NELL1: variants seen among roughly 807,000 people sequenced by gnomAD.
The protein encoded by NELL1 is protein kinase C-binding protein NELL1.
A neutral mutation model predicts 107.4 loss-of-function variants in NELL1; 76 were observed. That is an observed-to-expected ratio of 0.71 (90% CI 0.59 to 0.86). The LOEUF (loss-of-function observed/expected upper bound fraction) is 0.86, where lower values mean the gene tolerates loss of function less well. Among genes scored for constraint, NELL1 ranks in the 40% least tolerant of loss-of-function variants. NELL1 has a pLI of 0.00. For synonymous variants in NELL1, 353 were observed against 341.2 expected (o/e 1.03, Z -0.38); for missense variants, 1,024 against 1,005.5 (o/e 1.02, Z -0.25).
intron 12 of NELL1, among the ~76,000 whole-genome samples, chr11:20,963,196 C>T (rs1851323204): frequency 6.6e-6 from 1 of 152,124 alleles, no homozygotes; most frequent in Non-Finnish European, 1.5e-5. Flanking sequence ...AAAACCTTGT[C>T]TGTGTGAGGT....
chr11:21,170,066 C>A (rs1218936940), intron 13 of NELL1: 1 of 1,072,116 alleles, frequency 9.3e-7, no homozygotes, highest in African/African-American at 1.6e-5. Context: ...TGAACCCAGC[C>A]TCTTGGAGTC....
intron 16 of NELL1, among the ~76,000 whole-genome samples, chr11:21,547,998 C>A (rs182994643): frequency 9.0e-4 from 137 of 151,724 alleles, no homozygotes; most frequent in African/African-American, 3.2e-3. Context: ...ACAATCATGG[C>A]GCAACTGAAA....
intron 5 of NELL1, among the ~76,000 whole-genome samples, chr11:20,907,730 G>A (rs1850033748): frequency 6.6e-6 from 1 of 152,152 alleles, no homozygotes; most frequent in Non-Finnish European, 1.5e-5. Flanking sequence ...TTAAACTAAA[G>A]AGCTTCTGCA....
chr11:21,554,766 G>A (rs1490004647), intron 16 of NELL1, among the ~76,000 whole-genome samples: 1 of 151,772 alleles, frequency 6.6e-6, no homozygotes, highest in African/African-American at 2.4e-5. Context: ...AGAGATGTTA[G>A]GTAAATTTTT....
At chr11:21,098,126 A>G (rs1190909458) in intron 12 of NELL1, among the ~76,000 whole-genome samples, 1 of 152,158 alleles carries the variant, frequency 6.6e-6, no homozygotes, top group Non-Finnish European at 1.5e-5. Flanking sequence ...TCTGGTTCCT[A>G]ACACCAGCTT....
chr11:20,905,053 A>G (rs1020649027), intron 5 of NELL1, among the ~76,000 whole-genome samples: 4 of 149,576 alleles, frequency 2.7e-5, no homozygotes, highest in African/African-American at 4.9e-5. Context: ...TTGCCCAGGC[A>G]GGTCTCAAAC....
chr11:21,360,809 T>G (rs185248655), intron 14 of NELL1, among the ~76,000 whole-genome samples: 9 of 152,320 alleles, frequency 5.9e-5, no homozygotes, highest in South Asian at 2.1e-4. Flanking sequence ...TGGTGTCCAT[T>G]TGCACAGAAT....
intron 14 of NELL1, among the ~76,000 whole-genome samples, chr11:21,276,848 T>G (rs967880353): frequency 6.6e-6 from 1 of 152,038 alleles, no homozygotes; most frequent in Non-Finnish European, 1.5e-5. Flanking sequence ...TAGCCATACG[T>G]AGAAAGCTGA....
At chr11:20,817,951 A>G (rs1349000205) in intron 3 of NELL1, among the ~76,000 whole-genome samples, 1 of 151,828 alleles carries the variant, frequency 6.6e-6, no homozygotes, top group Non-Finnish European at 1.5e-5. Flanking sequence ...ATTGATTTCT[A>G]TTTTTATTTC....
rs934003089 is a variant in NELL1, at chr11:21,106,107, G to A, written c.1301-7482G>A. ...TGTTTTGCTTGGTTCAAAATGTTTG[G>A]AGAAAAATATGAAGCCAATATTTAA... On this transcript the variant is annotated intron_variant, in intron 12 of 19. Transcript: ENST00000357134. 1.2e-3 allele frequency among the ~76,000 whole-genome samples: 183 copies of A among 151,278 alleles called. 1 individual carries two copies. Among genetic ancestry groups the A allele is most frequent in the African/African-American group, 4.4e-3 (182 of 41,194 alleles).
chr11:20,780,127 G>A (rs1039657560), intron 2 of NELL1, among the ~76,000 whole-genome samples: 10 of 152,146 alleles, frequency 6.6e-5, no homozygotes, highest in Non-Finnish European at 1.3e-4. Flanking sequence ...TGCTAATGGG[G>A]TCTCTTTACT....
intron 2 of NELL1, among the ~76,000 whole-genome samples, chr11:20,719,971 C>T (rs1855341501): frequency 6.6e-6 from 1 of 152,150 alleles, no homozygotes; most frequent in African/African-American, 2.4e-5. Context: ...TGTTCAGATG[C>T]TTTAACAATG....
intron 15 of NELL1, among the ~76,000 whole-genome samples, chr11:21,461,685 G>A (rs1228206308): frequency 1.3e-5 from 2 of 152,054 alleles, no homozygotes; most frequent in Non-Finnish European, 2.9e-5. Flanking sequence ...TGAAGTTAAG[G>A]AAATGAAGGC....
At chr11:21,167,288 T>A (rs1236853301) in intron 13 of NELL1, among the ~76,000 whole-genome samples, 4 of 151,846 alleles carry the variant, frequency 2.6e-5, no homozygotes, top group African/African-American at 4.9e-5. Flanking sequence ...CAAGAGAGAC[T>A]CTTCTCCTGG....
chr11:21,012,480 T>G (rs2134289016), intron 12 of NELL1, among the ~76,000 whole-genome samples: 1 of 152,206 alleles, frequency 6.6e-6, no homozygotes, highest in South Asian at 2.1e-4. Flanking sequence ...TGATCCTTGG[T>G]CTCTCCCATT....
intron 2 of NELL1, among the ~76,000 whole-genome samples, chr11:20,702,528 C>T (rs1854820915): frequency 6.6e-6 from 1 of 152,036 alleles, no homozygotes; most frequent in Non-Finnish European, 1.5e-5. Flanking sequence ...TTGCCCTGGC[C>T]AGAACTTCCA....
At chr11:21,349,528 C>A (rs561443129) in intron 14 of NELL1, among the ~76,000 whole-genome samples, 1 of 152,150 alleles carries the variant, frequency 6.6e-6, no homozygotes, top group East Asian at 1.9e-4. Context: ...ACAATGCTTT[C>A]TGTCACTCTG....
At chr11:21,348,644 C>T (rs1235551938) in intron 14 of NELL1, among the ~76,000 whole-genome samples, 7 of 152,142 alleles carry the variant, frequency 4.6e-5, no homozygotes, top group Admixed American at 2.0e-4. Context: ...TTACCTGGCA[C>T]ATGCTACATG....
rs533276504 is a variant in NELL1 at position 21,544,625 on chromosome 11, A to G, written c.1786+10111A>G. On this transcript the variant is annotated intron_variant, in intron 16 of 19. Transcript: ENST00000357134. ...AGCTTGACATTTCTTTACTCACTTT[A>G]TCCTCAAAACAACTCCACCAGGTAG... Among the ~76,000 whole-genome samples, 4 of 152,040 alleles carry G rather than the reference A, an allele frequency of 2.6e-5. No individual in the cohort carries two copies. In the South Asian group the frequency reaches 8.3e-4, roughly 32 times the overall value.
Sources: allele counts gnomAD v4.1 joint callset (sites outside exome capture counted in the v4.1 genomes callset), GRCh38; gene constraint gnomAD v4.1.1; transcripts MANE v1.5; gene names NCBI Gene and HGNC (gene_info 2026-07-23, HGNC 2026-07-21).